ANK2: variants seen among roughly 807,000 people sequenced by gnomAD.
The protein encoded by ANK2 is ankyrin 2, also known as ankyrin-2.
A neutral mutation model predicts 360.5 loss-of-function variants in ANK2; 83 were observed. The ratio of observed to expected loss-of-function variants is 0.23; its 90% CI spans 0.19 to 0.28. ANK2 has a LOEUF of 0.28. Ranked by LOEUF, ANK2 falls within the 10% of genes least tolerant of loss-of-function variation. The pLI, the probability that ANK2 is intolerant of heterozygous loss-of-function variation, is 1.00. For synonymous variants in ANK2, 1,740 were observed against 1,759.5 expected (o/e 0.99, Z 0.28); for missense variants, 4,201 against 4,795.7 (o/e 0.88, Z 3.66).
Position 113,196,349 on chromosome 4 carries a change from T to C in ANK2, c.187-19T>C. On this transcript the variant is annotated intron_variant, in intron 2 of 45. Coordinates refer to ENST00000357077, the MANE Select transcript of ANK2 (RefSeq NM_001148.6). The stretch of plus-strand genomic sequence containing the variant: ...CTCATTACTTCACTTCTTAAAGCCT[T>C]GTTTGTTTCTTCTCTCAGAATGGAC... 4 of 1,603,608 alleles carry C rather than the reference T, an allele frequency of 2.5e-6. No homozygotes were observed. Among genetic ancestry groups the C allele is most frequent in the Non-Finnish European group, 3.4e-6 (4 of 1,171,836 alleles).
intron 1 of ANK2, among the ~76,000 whole-genome samples, chr4:112,818,486 T>G (rs1198601798): frequency 6.6e-6 from 1 of 152,212 alleles, no homozygotes; most frequent in Non-Finnish European, 1.5e-5. Flanking sequence ...TTTTTCTGAT[T>G]TGCATTTTCT....
At chr4:112,912,825 G>A (rs777315844) in intron 2 of ANK2, among the ~76,000 whole-genome samples, 1 of 151,922 alleles carries the variant, frequency 6.6e-6, no homozygotes, top group Non-Finnish European at 1.5e-5. Flanking sequence ...TCCAGCCTGG[G>A]CAACATAGTG....
the ANK2 span, among the ~76,000 whole-genome samples, chr4:112,750,116 A>G: frequency 3.3e-5 from 5 of 151,904 alleles, no homozygotes; most frequent in South Asian, 4.1e-4. Flanking sequence ...CTCTGCTGTC[A>G]GGCTGGCATG....
In ANK2 at chr4:113,341,813, T is replaced by A. The variant is rs768146550; in HGVS notation, c.4019T>A (p.Ile1340Asn). The A allele has an allele frequency of 6.2e-7, 1 of 1,614,114 alleles. No individual in the cohort carries two copies. The highest frequency in any genetic ancestry group is 8.5e-7 in the Non-Finnish European group (1 of 1,180,024). Residue 1340 changes from isoleucine to asparagine, a missense_variant, in exon 33 of 46, where the codon ATT becomes AAT. By Grantham distance (149) the Ile-to-Asn change is moderately radical. This residue lies in a region of ANK2 where 1,268 missense variants were observed against 1,650.8 expected (regional missense o/e 0.77). Transcript: ENST00000357077. The stretch of plus-strand genomic sequence containing the variant: ...GTGTTTGCCAAATCACATGACCCCA[T>A]TGAAGCCAGGTTGAGGTGTTTCTGC... ...FVVFAKSHDP[I>N]EARLRCFCMT...
Position 113,237,002 on chromosome 4 carries a change from C to T in ANK2, c.499C>T (p.Leu167=). ...STATEDGFTP[L]AVALQQGHNQ... ...ATTTTACCAGGATGGCTTTACTCCT[C>T]TAGCTGTGGCACTCCAGCAAGGACA... The change falls in exon 6 of 46, where the codon CTA becomes TTA. Residue 167 remains leucine (L), a synonymous_variant. Transcript: ENST00000357077. The T allele has an allele frequency of 6.2e-7, 1 of 1,614,170 alleles. No homozygotes were observed. Among genetic ancestry groups the T allele is most frequent in the Non-Finnish European group, 8.5e-7 (1 of 1,180,032 alleles).
chr4:112,987,085 G>A (rs2045156055), intron 2 of ANK2, among the ~76,000 whole-genome samples: 1 of 152,184 alleles, frequency 6.6e-6, no homozygotes, highest in Admixed American at 6.5e-5. Context: ...ATGAATTTGT[G>A]TTGGGCCACA....
chr4:113,042,111 T>C (rs1371029207), intron 2 of ANK2, among the ~76,000 whole-genome samples: 2 of 152,176 alleles, frequency 1.3e-5, no homozygotes, highest in Non-Finnish European at 2.9e-5. Context: ...CCCTCACCGA[T>C]GTGGGCTAGC....
chr4:113,050,692 A>G (rs1353694416), intron 1 of ANK2, among the ~76,000 whole-genome samples: 1 of 152,232 alleles, frequency 6.6e-6, no homozygotes, highest in African/African-American at 2.4e-5. Context: ...TTCCTGGAGC[A>G]ATAATATGGG....
At position 113,336,657 on chromosome 4, in the gene ANK2, T is replaced by C; in HGVS notation, c.3672T>C (p.Pro1224=). 2 of 1,614,146 alleles carry C rather than the reference T, an allele frequency of 1.2e-6. No homozygotes were observed. Residue 1224 remains proline (P), a synonymous_variant, in exon 31 of 46, where the codon CCT becomes CCC. Transcript: ENST00000357077. ...TCAGCCCTATAGTCACTTTGGAACC[T>C]AGAAGAAGAAAATTCCACAAACCAA... The part of the protein sequence containing the change: ...ATFSPIVTLE[P]RRRKFHKPIT...
intron 24 of ANK2, chr4:113,317,307 C>T (rs1015634080): frequency 2.8e-5 from 7 of 249,362 alleles, no homozygotes; most frequent in African/African-American, 1.3e-4. Context: ...CTACTTTCCT[C>T]CTTATATTTT....
At chr4:113,375,930 G>C (rs1269837261) in intron 45 of ANK2, among the ~76,000 whole-genome samples, 1 of 152,094 alleles carries the variant, frequency 6.6e-6, no homozygotes, top group Admixed American at 6.6e-5. Context: ...ACATAAAAAT[G>C]GGTTTGATTA....
At chr4:113,238,551 G>A (rs1315595005) in intron 7 of ANK2, among the ~76,000 whole-genome samples, 1 of 152,110 alleles carries the variant, frequency 6.6e-6, no homozygotes, top group Non-Finnish European at 1.5e-5. Context: ...GTTCACAACT[G>A]GAACCGTACA....
At chr4:113,094,413 T>G (rs896024795) in intron 1 of ANK2, among the ~76,000 whole-genome samples, 1 of 152,166 alleles carries the variant, frequency 6.6e-6, no homozygotes, top group Non-Finnish European at 1.5e-5. Context: ...AAATACAAAT[T>G]TTGATACTTA....
At chr4:112,958,527 G>C (rs1354185479) in intron 2 of ANK2, among the ~76,000 whole-genome samples, 1 of 152,196 alleles carries the variant, frequency 6.6e-6, no homozygotes, top group Non-Finnish European at 1.5e-5. Context: ...AGGCTGCAGC[G>C]AGCCGAGATG....
chr4:113,362,313 AT>A (rs1418666375), intron 39 of ANK2, among the ~76,000 whole-genome samples: 1 of 152,166 alleles, frequency 6.6e-6, no homozygotes, highest in Non-Finnish European at 1.5e-5. Flanking sequence ...AGATACGTAT[AT>A]TTTTAATTTT....
At chr4:112,710,888 C>T in the ANK2 span, among the ~76,000 whole-genome samples, 2 of 143,818 alleles carry the variant, frequency 1.4e-5, no homozygotes, top group South Asian at 2.2e-4. Context: ...AATGGAGAAT[C>T]TTTTTGAACA....
At chr4:112,787,350 C>A in the ANK2 span, among the ~76,000 whole-genome samples, 1 of 152,172 alleles carries the variant, frequency 6.6e-6, no homozygotes, top group South Asian at 2.1e-4. Context: ...TCAGGGTAGA[C>A]TTGTGTATTA....
the ANK2 span, chr4:112,788,137 G>A: frequency 0.3 from 469,512 of 1,580,568 alleles, 70,593 homozygotes; most frequent in East Asian, 0.34. Context: ...GCTTGGCAAT[G>A]CGAGCCACAG....
chr4:112,780,786 T>C, the ANK2 span, among the ~76,000 whole-genome samples: 2 of 152,092 alleles, frequency 1.3e-5, no homozygotes, highest in Non-Finnish European at 2.9e-5. Flanking sequence ...TCAGTCACTA[T>C]CATGAGAACA....
Sources: allele counts gnomAD v4.1 joint callset (sites outside exome capture counted in the v4.1 genomes callset), GRCh38; gene constraint gnomAD v4.1.1; regional missense constraint gnomAD v4.1.1; transcripts MANE v1.5; gene names NCBI Gene and HGNC (gene_info 2026-07-23, HGNC 2026-07-21).